Variants in ATAD2 observed in about 807,000 individuals in gnomAD.
ATAD2 encodes the protein ATPase family AAA domain-containing protein 2.
ATAD2 carries 62 observed loss-of-function variants against 168.9 expected under a neutral mutation model. That is an observed-to-expected ratio of 0.37 (90% CI 0.30 to 0.45). ATAD2 has a LOEUF of 0.45. ATAD2 is among the 20% of genes least tolerant of loss of function. ATAD2 has a pLI of 1.00. For synonymous variants in ATAD2, 613 were observed against 571.6 expected (o/e 1.07, Z -1.03); for missense variants, 1,419 against 1,667.8 (o/e 0.85, Z 2.60).
intron 1 of ATAD2, among the ~76,000 whole-genome samples, chr8:123,408,812 C>G (rs1269705439): frequency 6.6e-6 from 1 of 151,298 alleles, no homozygotes; most frequent in Non-Finnish European, 1.5e-5. Context: ...CCACCGTGCC[C>G]GGCCTGGAAG....
At chr8:123,356,568 A>G in intron 12 of ATAD2, 91 bp from the exon 13 acceptor site, 1 of 790,814 alleles carries the variant, frequency 1.3e-6, no homozygotes. Context: ...TCTCATTCAA[A>G]TATGCTTAAC....
At chr8:123,333,223 TA>T (rs1223098959) in intron 24 of ATAD2, among the ~76,000 whole-genome samples, 2 of 15,320 alleles carry the variant, frequency 1.3e-4, no homozygotes, top group Non-Finnish European at 2.9e-4. Flanking sequence ...CCCGTCTCTC[TA>T]AAAATACAAA....
chr8:123,390,759 G>A (rs1238414298), intron 1 of ATAD2, among the ~76,000 whole-genome samples: 1 of 152,126 alleles, frequency 6.6e-6, no homozygotes, highest in Non-Finnish European at 1.5e-5. Flanking sequence ...TAGGCCAGGC[G>A]CAGTGGCTCA....
intron 13 of ATAD2, among the ~76,000 whole-genome samples, chr8:123,350,707 T>C (rs996043997): frequency 2.0e-5 from 3 of 152,078 alleles, no homozygotes; most frequent in Non-Finnish European, 2.9e-5. Flanking sequence ...TGGAAACTGG[T>C]AGCTAGATCT....
At chr8:123,329,978 C>CTTTT (rs1827730410) in intron 24 of ATAD2, among the ~76,000 whole-genome samples, 23 of 93,368 alleles carry the variant, frequency 2.5e-4, no homozygotes, top group African/African-American at 9.4e-4. Context: ...TCCCCAGTGG[C>CTTTT]TTCTTTTTTT....
rs1312484527 is a variant in ATAD2, at chr8:123,402,242, C to T, written c.-2281-1067G>A. On this transcript the variant is annotated intron_variant, in intron 1 of 28. Transcript: ENST00000521903. This position sits in a 1 kb window ranked among gnomAD's most constrained non-coding sequence, Gnocchi z 4.8. ...AGCTCCTTTCCAGGGAGAGAGGAGG[C>T]GAAGTTGTGAGGGGTCTGTGACCCC... 2.0e-5 allele frequency: 12 copies of T among 587,814 alleles called. 1 individual carries two copies. The South Asian group carries it at 2.1e-4, about 10-fold the overall frequency. The allele number at this position is 587,814 out of a possible 1,614,324, so 36.4% of individuals were successfully genotyped here. A position where few individuals can be genotyped will look rare whatever the true frequency, so the allele number is the denominator to read the frequency against.
chr8:123,403,666 CAT>C (rs1813035424), intron 1 of ATAD2, among the ~76,000 whole-genome samples: 1 of 152,090 alleles, frequency 6.6e-6, no homozygotes, highest in Admixed American at 6.6e-5. Flanking sequence ...AAAGAAGTCA[CAT>C]GATTGGCTCT....
chr8:123,361,362 T>C lies in ATAD2; in HGVS notation c.1157+177A>G, dbSNP rs973202111. Among the ~76,000 whole-genome samples, 12 of 151,782 alleles carry C rather than the reference T, an allele frequency of 7.9e-5. 1 individual carries two copies. The highest frequency in any genetic ancestry group is 1.8e-4 in the Non-Finnish European group (12 of 67,928). On this transcript the variant is annotated intron_variant, in intron 9 of 27. Transcript: ENST00000287394. ...AAGAAATCAGTCATATGTTCTAACC[T>C]GTTATTCTGATTCAACTGTAGATAA...
intron 13 of ATAD2, among the ~76,000 whole-genome samples, chr8:123,353,300 G>A (rs958313775): frequency 2.0e-5 from 3 of 151,974 alleles, no homozygotes; most frequent in African/African-American, 7.3e-5. Flanking sequence ...GGAGGTGGAG[G>A]TTGCAGTGAG....
At chr8:123,353,824 AT>A (rs1454910699) in intron 13 of ATAD2, among the ~76,000 whole-genome samples, 1 of 152,178 alleles carries the variant, frequency 6.6e-6, no homozygotes, top group Admixed American at 6.5e-5. Context: ...GATATTTGCA[AT>A]TCAAAGTAAA....
intron 8 of ATAD2, among the ~76,000 whole-genome samples, chr8:123,364,538 T>C (rs1178869075): frequency 1.3e-5 from 2 of 152,098 alleles, no homozygotes; most frequent in Non-Finnish European, 1.5e-5. Context: ...AAATACTAGC[T>C]AATCGAATCC....
chr8:123,391,087 C>T (rs1432184522), intron 1 of ATAD2, among the ~76,000 whole-genome samples: 1 of 150,996 alleles, frequency 6.6e-6, no homozygotes, highest in African/African-American at 2.4e-5. Context: ...CCCTACTATC[C>T]ATCCTTAAGT....
intron 26 of ATAD2, among the ~76,000 whole-genome samples, chr8:123,325,208 G>C (rs1827578262): frequency 6.8e-6 from 1 of 146,064 alleles, no homozygotes; most frequent in African/African-American, 2.5e-5. Context: ...TGATTCTCCT[G>C]TCTCAGCCTC....
rs1370058792 is a variant in ATAD2, at chr8:123,396,244, C to T, written c.114G>A (p.Arg38=). The change falls in exon 1 of 28, where the codon CGG becomes CGA. Residue 38 remains arginine (R), a synonymous_variant. Coordinates refer to ENST00000287394, the MANE Select transcript of ATAD2 (RefSeq NM_014109.4). ...TCTGCGCCGCGCCGGCCGAGCGGAG[C>T]CGCCTCCGGCCGATGTGCTCCAGAC... ...FLSLEHIGRR[R]LRSAGAAQKK... The T allele has an allele frequency of 1.9e-6, 3 of 1,606,986 alleles. No homozygotes were observed. Among genetic ancestry groups the T allele is most frequent in the Non-Finnish European group, 2.5e-6 (3 of 1,178,640 alleles).
At chr8:123,333,339 C>T (rs935926808) in intron 24 of ATAD2, among the ~76,000 whole-genome samples, 3 of 130,086 alleles carry the variant, frequency 2.3e-5, no homozygotes, top group South Asian at 2.5e-4. Context: ...GAACCCGGGA[C>T]GCAGCGGTTG....
At position 123,320,683 on chromosome 8, in the gene ATAD2, A is replaced by G; in HGVS notation, c.*451T>C. ...ACGAGGGAATCTCAAGGCAGATGGG[A>G]GGAGGGCATTTGAAGAAAACAAAGA... On this transcript the variant is annotated 3_prime_UTR_variant, in exon 28 of 28. Coordinates refer to ENST00000287394, the MANE Select transcript of ATAD2 (RefSeq NM_014109.4). 6.2e-6 allele frequency: 1 copy of G among 160,356 alleles called. No individual in the cohort carries two copies. The highest frequency in any genetic ancestry group is 1.4e-5 in the Non-Finnish European group (1 of 73,862). The allele number at this position is 160,356 out of a possible 1,614,324, so 9.9% of individuals were successfully genotyped here.
chr8:123,372,981 C>T (rs966641826), intron 2 of ATAD2, among the ~76,000 whole-genome samples: 1 of 151,910 alleles, frequency 6.6e-6, no homozygotes, highest in Non-Finnish European at 1.5e-5. Context: ...CAAGCTCCCC[C>T]TCCTGGGTTC....
At position 123,351,446 on chromosome 8, in the gene ATAD2, C is replaced by T. The variant is rs532430601; in HGVS notation, c.1647-2002G>A. 2.6e-4 allele frequency among the ~76,000 whole-genome samples: 40 copies of T among 151,438 alleles called. No homozygotes were observed. The South Asian group carries it at 6.9e-3, about 26-fold the overall frequency. On this transcript the variant is annotated intron_variant, in intron 13 of 27. Transcript: ENST00000287394. ...AACTGTCTCTAGATATCTGTCCCTTCGGGGAGGGGGATGGCATCATCCCTG... is the reference window on the plus strand; with the variant it reads ...AACTGTCTCTAGATATCTGTCCCTTTGGGGAGGGGGATGGCATCATCCCTG...
chr8:123,380,056 T>C (rs1431041200), intron 2 of ATAD2, among the ~76,000 whole-genome samples: 1 of 150,664 alleles, frequency 6.6e-6, no homozygotes, highest in East Asian at 2.0e-4. Context: ...CCAGCTAATT[T>C]TGTATATATT....
Sources: allele counts gnomAD v4.1 joint callset (sites outside exome capture counted in the v4.1 genomes callset), GRCh38; gene constraint gnomAD v4.1.1; non-coding constraint Gnocchi (gnomAD v3.1); transcripts MANE v1.5; gene names NCBI Gene and HGNC (gene_info 2026-07-23, HGNC 2026-07-21).